The following SERTAD4 variants were observed in gnomAD, a reference collection of about 807,000 sequenced individuals.
SERTAD4 encodes the protein SERTA domain containing 4, also known as SERTA domain-containing protein 4.
A neutral mutation model predicts 32.9 loss-of-function variants in SERTAD4; 18 were observed. The observed-to-expected ratio is 0.55, with a 90% CI of 0.38 to 0.81. The LOEUF (loss-of-function observed/expected upper bound fraction) is 0.81. Among genes scored for constraint, SERTAD4 ranks in the 30% least tolerant of loss-of-function variants. SERTAD4 has a pLI of 0.00. For missense variants in SERTAD4, 383 were observed against 426.0 expected, an observed-to-expected ratio of 0.90 and a Z score of 0.89; for synonymous variants, 150 against 156.4, an observed-to-expected ratio of 0.96 and a Z score of 0.30.
chr1:210,242,348 C>T lies in SERTAD4; in HGVS notation c.*11C>T. 1 of 1,545,828 alleles carries T rather than the reference C, an allele frequency of 6.5e-7. No homozygotes were observed. The highest frequency in any genetic ancestry group is 1.3e-5 in the South Asian group (1 of 77,134). ...GGAAGTAAAATATGAGCCATCTTCT[C>T]ACCGAACTTTGAAGCATGCACAGCA... On this transcript the variant is annotated 3_prime_UTR_variant, in exon 4 of 4. Transcript: ENST00000367012. This position sits in a 1 kb window ranked among gnomAD's most constrained non-coding sequence, Gnocchi z 4.0.
In SERTAD4 at chr1:210,242,425, A is replaced by G. The variant is rs959136306; in HGVS notation, c.*88A>G. On this transcript the variant is annotated 3_prime_UTR_variant, in exon 4 of 4. Coordinates refer to ENST00000367012, the MANE Select transcript of SERTAD4 (RefSeq NM_019605.5). This position sits in a 1 kb window ranked among gnomAD's most constrained non-coding sequence, Gnocchi z 4.0. Reference sequence around the variant, plus strand: ...TTTTGAATGGATTTTGTAGTTTTGTACAACAGATAAAATTATGCCATGAAC... The same window carrying G: ...TTTTGAATGGATTTTGTAGTTTTGTGCAACAGATAAAATTATGCCATGAAC... The G allele has an allele frequency of 1.0e-5, 15 of 1,492,330 alleles. No individual in the cohort carries two copies. The East Asian group carries it at 3.0e-4, about 30-fold the overall frequency. 92.4% of individuals were successfully genotyped at this position (1,492,330 alleles called of 1,614,324 possible).
chr1:210,244,098 T>C lies in SERTAD4; in HGVS notation c.*1761T>C, dbSNP rs1425707533. 6.6e-6 allele frequency: 1 copy of C among 152,198 alleles called. No homozygotes were observed. Among genetic ancestry groups the C allele is most frequent in the Non-Finnish European group, 1.5e-5 (1 of 68,034 alleles). The allele number at this position is 152,198 out of a possible 1,614,324, so 9.4% of individuals were successfully genotyped here. On this transcript the variant is annotated 3_prime_UTR_variant, in exon 4 of 4. Coordinates refer to ENST00000367012, the MANE Select transcript of SERTAD4 (RefSeq NM_019605.5). Reference sequence around the variant, plus strand: ...ATATATTTATTAAGATGATAAAAATTCATTAAGTTTTTTAAATTTTAATGG... The same window carrying C: ...ATATATTTATTAAGATGATAAAAATCCATTAAGTTTTTTAAATTTTAATGG...
chr1:210,232,933 C>A lies in SERTAD4; in HGVS notation c.-96C>A, dbSNP rs2083890835. ...GCCGGGACCCGCGAGTGTGCACCGG[C>A]GGCCGGGCTGGCGCCGAGCCCAGAG... On this transcript the variant is annotated 5_prime_UTR_variant, in exon 1 of 4. Transcript: ENST00000367012. 3 of 149,564 alleles carry A rather than the reference C, an allele frequency of 2.0e-5. No individual in the cohort carries two copies. In the South Asian group the frequency reaches 6.2e-4, roughly 31 times the overall value. The allele number at this position is 149,564 out of a possible 1,614,324, so 9.3% of individuals were successfully genotyped here.
rs932425882 is a variant in SERTAD4 at position 210,241,776 on chromosome 1, C to T, written c.510C>T (p.Cys170=). 1 of 1,613,984 alleles carries T rather than the reference C, an allele frequency of 6.2e-7. No individual in the cohort carries two copies. The highest frequency in any genetic ancestry group is 1.3e-5 in the African/African-American group (1 of 74,900). Residue 170 remains cysteine (C), a synonymous_variant, in exon 4 of 4, where the codon TGC becomes TGT. Transcript: ENST00000367012. The part of the protein sequence containing the change: ...SAQEWFMAQD[C]PYRKRPRMAK... ...AAGAGTGGTTTATGGCTCAAGACTGCCCTTACCGAAAACGACCACGGATGG... is the reference window on the plus strand; with the variant it reads ...AAGAGTGGTTTATGGCTCAAGACTGTCCTTACCGAAAACGACCACGGATGG...
rs2083891329 is a variant in SERTAD4, at chr1:210,232,955, A to G, written c.-74A>G. The stretch of plus-strand genomic sequence containing the variant: ...CGGCGGCCGGGCTGGCGCCGAGCCC[A>G]GAGCGGACCAGCAGCAGCTCAAGCG... On this transcript the variant is annotated 5_prime_UTR_variant, in exon 1 of 4. Coordinates refer to ENST00000367012, the MANE Select transcript of SERTAD4 (RefSeq NM_019605.5). 1 of 150,004 alleles carries G rather than the reference A, an allele frequency of 6.7e-6. No homozygotes were observed. Among genetic ancestry groups the G allele is most frequent in the South Asian group, 2.1e-4 (1 of 4,824 alleles). The allele number at this position is 150,004 out of a possible 1,614,324, so 9.3% of individuals were successfully genotyped here.
chr1:210,240,039 C>G (rs2083979587), intron 3 of SERTAD4, among the ~76,000 whole-genome samples: 1 of 152,074 alleles, frequency 6.6e-6, no homozygotes, highest in Non-Finnish European at 1.5e-5. Flanking sequence ...TTTTCCTGAC[C>G]TCTTATGGGT....
At position 210,242,653 on chromosome 1, in the gene SERTAD4, C is replaced by A; in HGVS notation, c.*316C>A. The A allele has an allele frequency of 9.3e-7, 1 of 1,079,926 alleles. No homozygotes were observed. The highest frequency in any genetic ancestry group is 1.1e-6 in the Non-Finnish European group (1 of 892,400). 66.9% of individuals were successfully genotyped at this position (1,079,926 alleles called of 1,614,324 possible). ...GCCCTTGCAATATTTCCATTGCCCC[C>A]CAAGGAGCCTGTCACTAGCTAAGAA... On this transcript the variant is annotated 3_prime_UTR_variant, in exon 4 of 4. Coordinates refer to ENST00000367012, the MANE Select transcript of SERTAD4 (RefSeq NM_019605.5). The surrounding 1 kb of genome is among the most constrained non-coding windows in gnomAD (Gnocchi z 4.0).
downstream of SERTAD4, chr1:210,246,475 A>G (rs980761273): frequency 1.7e-5 from 11 of 654,088 alleles, no homozygotes; most frequent in African/African-American, 2.2e-4. Context: ...GAACACTTGA[A>G]TCTCGCATCC....
chr1:210,245,941 T>A lies in SERTAD4; in HGVS notation c.*3604T>A, dbSNP rs1000870762. 1.0e-6 allele frequency: 1 copy of A among 984,400 alleles called. No homozygotes were observed. The allele number at this position is 984,400 out of a possible 1,614,324, so 61.0% of individuals were successfully genotyped here. ...TTCTAACAAATGGTGAGCAGGAGACTTTTTTGGAAATAATTAGTTGTGAAA... is the reference window on the plus strand; with the variant it reads ...TTCTAACAAATGGTGAGCAGGAGACATTTTTGGAAATAATTAGTTGTGAAA... On this transcript the variant is annotated 3_prime_UTR_variant, in exon 4 of 4. Transcript: ENST00000367012.
Position 210,242,493 on chromosome 1 carries a change from C to T in SERTAD4, c.*156C>T, listed in dbSNP as rs908768242. 3.0e-5 allele frequency: 43 copies of T among 1,421,112 alleles called. No individual in the cohort carries two copies. In the African/African-American group the frequency reaches 5.5e-4, roughly 18 times the overall value. The allele number at this position is 1,421,112 out of a possible 1,614,324, so 88.0% of individuals were successfully genotyped here. Reference sequence around the variant, plus strand: ...TGCCTGGAGAGCAGATTGCGTAAAACATCTGTATAGCAGGCATCAGCGAGC... The same window carrying T: ...TGCCTGGAGAGCAGATTGCGTAAAATATCTGTATAGCAGGCATCAGCGAGC... On this transcript the variant is annotated 3_prime_UTR_variant, in exon 4 of 4. Coordinates refer to ENST00000367012, the MANE Select transcript of SERTAD4 (RefSeq NM_019605.5). The surrounding 1 kb of genome is among the most constrained non-coding windows in gnomAD (Gnocchi z 4.0).
At position 210,242,975 on chromosome 1, in the gene SERTAD4, G is replaced by T. The variant is rs1182015050; in HGVS notation, c.*638G>T. On this transcript the variant is annotated 3_prime_UTR_variant, in exon 4 of 4. Coordinates refer to ENST00000367012, the MANE Select transcript of SERTAD4 (RefSeq NM_019605.5). The surrounding 1 kb of genome is among the most constrained non-coding windows in gnomAD (Gnocchi z 4.0). ...TTCTGGCTTGCCTGTGATGGGTGAT[G>T]AGGCTTTTAGAGAGGTGTTATACAG... 3 of 985,230 alleles carry T rather than the reference G, an allele frequency of 3.0e-6. No individual in the cohort carries two copies. The highest frequency in any genetic ancestry group is 3.6e-6 in the Non-Finnish European group (3 of 829,918). The allele number at this position is 985,230 out of a possible 1,614,324, so 61.0% of individuals were successfully genotyped here. A position where few individuals can be genotyped will look rare whatever the true frequency, so the allele number is the denominator to read the frequency against.
Position 210,241,462 on chromosome 1 carries a change from G to A in SERTAD4, c.292-96G>A, listed in dbSNP as rs913664611. Reference sequence around the variant, plus strand: ...AGACCCAGACAGTGCCAAGAAAGAAGTATGCTATGATGATGTTTTCATATA... The same window carrying A: ...AGACCCAGACAGTGCCAAGAAAGAAATATGCTATGATGATGTTTTCATATA... On this transcript the variant is annotated intron_variant, in intron 3 of 3. Coordinates refer to ENST00000367012, the MANE Select transcript of SERTAD4 (RefSeq NM_019605.5). 11 of 1,250,950 alleles carry A rather than the reference G, an allele frequency of 8.8e-6. No homozygotes were observed. The African/African-American group carries it at 1.7e-4, about 19-fold the overall frequency. 77.5% of individuals were successfully genotyped at this position (1,250,950 alleles called of 1,614,324 possible).
rs766427404 is a variant in SERTAD4, at chr1:210,241,867, A to G, written c.601A>G (p.Asn201Asp). Residue 201 changes from asparagine to aspartate, a missense_variant, in exon 4 of 4, where the codon AAT becomes GAT. Physicochemically the swap from Asn to Asp is conservative, Grantham distance 23 (BLOSUM62 1). Around this residue, in one of 3 missense-constraint regions of SERTAD4, gnomAD observed 180 missense variants for 190.6 expected, o/e 0.94. Coordinates refer to ENST00000367012, the MANE Select transcript of SERTAD4 (RefSeq NM_019605.5). Reference sequence around the variant, plus strand: ...CCAAGAATGTGGTGGCCACTACCTAAATTTACCCCTTTCTGTCAATGCTAA... The same window carrying G: ...CCAAGAATGTGGTGGCCACTACCTAGATTTACCCCTTTCTGTCAATGCTAA... ...FYQECGGHYLNLPLSVNANVG... is the reference protein window; with the variant it reads ...FYQECGGHYLDLPLSVNANVG... 10 of 1,613,814 alleles carry G rather than the reference A, an allele frequency of 6.2e-6. No individual in the cohort carries two copies. Among genetic ancestry groups the G allele is most frequent in the Admixed American group, 5.0e-5 (3 of 59,974 alleles).
intron 1 of SERTAD4, among the ~76,000 whole-genome samples, chr1:210,235,902 A>T (rs2083936148): frequency 6.6e-6 from 1 of 152,260 alleles, no homozygotes; most frequent in Admixed American, 6.5e-5. Context: ...GATCTAACAC[A>T]AAAGTGAGTG....
rs535300480 is a variant in SERTAD4 at position 210,242,592 on chromosome 1, C to T, written c.*255C>T. The T allele has an allele frequency of 7.7e-5, 92 of 1,195,056 alleles. 1 individual carries two copies. In the South Asian group the frequency reaches 1.3e-3, roughly 18 times the overall value. 74.0% of individuals were successfully genotyped at this position (1,195,056 alleles called of 1,614,324 possible). ...TTAAAAGTATATCATAGTTTTCTTA[C>T]GGAAAAGATCAGTAGATGAGATTGG... is the stretch of plus-strand genomic sequence containing the variant. On this transcript the variant is annotated 3_prime_UTR_variant, in exon 4 of 4. Transcript: ENST00000367012. This position sits in a 1 kb window ranked among gnomAD's most constrained non-coding sequence, Gnocchi z 4.0.
At chr1:210,241,159 G>A (rs1046080104) in intron 3 of SERTAD4, among the ~76,000 whole-genome samples, 1 of 151,860 alleles carries the variant, frequency 6.6e-6, no homozygotes, top group Non-Finnish European at 1.5e-5. Flanking sequence ...ACTACCCCTC[G>A]CCCCGCTCAC....
chr1:210,241,833 C>G lies in SERTAD4; in HGVS notation c.567C>G (p.Cys189Trp). Reference protein sequence around the residue: ...AKEECEKFHACCFYQECGGHY... With the variant: ...AKEECEKFHAWCFYQECGGHY... ...AGGAATGTGAAAAGTTTCATGCCTG[C>G]TGCTTTTACCAAGAATGTGGTGGCC... The change falls in exon 4 of 4, where the codon TGC becomes TGG. Residue 189 changes from cysteine to tryptophan, a missense_variant. Transcript: ENST00000367012. The G allele has an allele frequency of 6.2e-7, 1 of 1,614,188 alleles. No homozygotes were observed. Among genetic ancestry groups the G allele is most frequent in the Admixed American group, 1.7e-5 (1 of 60,018 alleles).
At position 210,243,053 on chromosome 1, in the gene SERTAD4, A is replaced by T. The variant is rs1389639472; in HGVS notation, c.*716A>T. 1.1e-6 allele frequency: 1 copy of T among 892,920 alleles called. No individual in the cohort carries two copies. The highest frequency in any genetic ancestry group is 1.3e-6 in the Non-Finnish European group (1 of 751,972). The allele number at this position is 892,920 out of a possible 1,614,324, so 55.3% of individuals were successfully genotyped here. On this transcript the variant is annotated 3_prime_UTR_variant, in exon 4 of 4. Coordinates refer to ENST00000367012, the MANE Select transcript of SERTAD4 (RefSeq NM_019605.5). The stretch of plus-strand genomic sequence containing the variant: ...TTAATTTTTGCCAATGTGAAAATTA[A>T]GGATAAATCAGAGTTACAGCAGGGA...
intron 1 of SERTAD4, chr1:210,233,495 C>T (rs903745410): frequency 6.0e-5 from 21 of 352,352 alleles, no homozygotes; most frequent in Non-Finnish European, 5.5e-6. Context: ...TTGTGGATGT[C>T]AGGAGCGCGC....
Sources: gnomAD v4.1 joint callset for allele counts (sites outside exome capture counted in the v4.1 genomes callset) on GRCh38, gnomAD v4.1.1 for gene constraint, gnomAD v4.1.1 regional missense constraint, Gnocchi (gnomAD v3.1) non-coding constraint, MANE v1.5 for transcripts, NCBI Gene and HGNC (gene_info 2026-07-23, HGNC 2026-07-21) for gene names.